The following LUZP2 variants were observed in gnomAD, a reference collection of about 807,000 sequenced individuals.
The protein encoded by LUZP2 is leucine zipper protein 2.
LUZP2 carries 52 observed loss-of-function variants against 51.6 expected under a neutral mutation model. That is an observed-to-expected ratio of 1.01 (90% confidence interval 0.81 to 1.27). The LOEUF (loss-of-function observed/expected upper bound fraction) is 1.27. LUZP2 is among the 50% of genes most tolerant of loss of function. The pLI is 0.00. For synonymous variants in LUZP2, 154 were observed against 137.3 expected, an observed-to-expected ratio of 1.12 and a Z score of -0.85; for missense variants, 436 against 395.4, an observed-to-expected ratio of 1.10 and a Z score of -0.87.
rs1415091428 is a variant in LUZP2 at position 24,616,468 on chromosome 11, CGTGCGCATGT to C, written c.63-112697_63-112688del. ...GGTATTGTGTGTGTGTGGTATTTGG[CGTGCGCATGT>C]GTGTGTGTGTGTGTGTGTGTGTGTA... is the stretch of plus-strand genomic sequence containing the variant. On this transcript the variant is annotated intron_variant, in intron 1 of 11. Transcript: ENST00000336930. 5.2e-3 allele frequency among the ~76,000 whole-genome samples: 397 copies of C among 76,600 alleles called. 4 individuals carry two copies. Among genetic ancestry groups the C allele is most frequent in the African/African-American group, 0.031 (379 of 12,180 alleles). The allele number at this position is 76,600 out of a possible 152,430, so 50.3% of individuals were successfully genotyped here.
At chr11:24,971,195 C>T (rs1027941584) in intron 7 of LUZP2, among the ~76,000 whole-genome samples, 1 of 152,058 alleles carries the variant, frequency 6.6e-6, no homozygotes, top group Non-Finnish European at 1.5e-5. Context: ...TCATGGAAGA[C>T]CATTTTTCCA....
intron 1 of LUZP2, among the ~76,000 whole-genome samples, chr11:24,716,947 A>C (rs1358597715): frequency 6.6e-6 from 1 of 152,144 alleles, no homozygotes; most frequent in Non-Finnish European, 1.5e-5. Context: ...AAAATGAAGA[A>C]GTACATGCTT....
chr11:24,960,932 T>A (rs1326145620), intron 7 of LUZP2, among the ~76,000 whole-genome samples: 1 of 152,156 alleles, frequency 6.6e-6, no homozygotes, highest in African/African-American at 2.4e-5. Context: ...GTCCCAGAGA[T>A]TGTGGTATGT....
intron 9 of LUZP2, among the ~76,000 whole-genome samples, chr11:25,013,458 A>C (rs1412356163): frequency 6.6e-6 from 1 of 152,190 alleles, no homozygotes; most frequent in Admixed American, 6.5e-5. Context: ...TTTAAAAAGC[A>C]GGCCTACACT....
chr11:24,660,875 TATA>T (rs1386108725), intron 1 of LUZP2, among the ~76,000 whole-genome samples: 2 of 152,154 alleles, frequency 1.3e-5, no homozygotes, highest in African/African-American at 4.8e-5. Flanking sequence ...ATACTGCTTA[TATA>T]ATGACTTAAA....
intron 5 of LUZP2, among the ~76,000 whole-genome samples, chr11:24,772,664 G>A (rs1848779333): frequency 6.6e-6 from 1 of 152,120 alleles, no homozygotes; most frequent in Admixed American, 6.5e-5. Context: ...AAAAAAGTAT[G>A]TGTCCTAAAA....
chr11:24,533,311 C>G (rs1590147339), intron 1 of LUZP2, among the ~76,000 whole-genome samples: 2 of 151,210 alleles, frequency 1.3e-5, no homozygotes, highest in African/African-American at 4.8e-5. Context: ...ATCAGCCATT[C>G]TAAAAGTATC....
intron 5 of LUZP2, among the ~76,000 whole-genome samples, chr11:24,813,061 C>A (rs1850067597): frequency 1.3e-5 from 2 of 152,170 alleles, no homozygotes; most frequent in Admixed American, 1.3e-4. Context: ...ATCCACTCTT[C>A]CTCTTAAGAA....
intron 5 of LUZP2, among the ~76,000 whole-genome samples, chr11:24,867,799 C>T (rs1851943532): frequency 6.6e-6 from 1 of 152,122 alleles, no homozygotes; most frequent in African/African-American, 2.4e-5. Context: ...TTACCTATAT[C>T]AGTAGTTGTC....
chr11:24,752,796 C>T (rs1859640996), intron 4 of LUZP2, among the ~76,000 whole-genome samples: 1 of 151,452 alleles, frequency 6.6e-6, no homozygotes, highest in South Asian at 2.1e-4. Context: ...TCAAGATGGC[C>T]AAAGTTCCAA....
intron 5 of LUZP2, among the ~76,000 whole-genome samples, chr11:24,875,130 T>A (rs1325713984): frequency 3.3e-5 from 5 of 151,852 alleles, no homozygotes; most frequent in Non-Finnish European, 7.4e-5. Flanking sequence ...ACTTTAAGTT[T>A]TAGGGTACAT....
chr11:25,002,036 C>T (rs557286547), intron 9 of LUZP2, among the ~76,000 whole-genome samples: 4 of 152,332 alleles, frequency 2.6e-5, no homozygotes, highest in Non-Finnish European at 4.4e-5. Context: ...GGGGGTTCCC[C>T]CAGAGGTTAG....
intron 5 of LUZP2, among the ~76,000 whole-genome samples, chr11:24,893,805 T>C (rs2133763440): frequency 1.3e-5 from 2 of 150,098 alleles, no homozygotes; most frequent in Middle Eastern, 3.4e-3. Context: ...CACACGCACA[T>C]GGTTTATTAT....
At chr11:24,774,362 C>CTCTCTCTCTCTCTCTCTCTATATA (rs776739280) in intron 5 of LUZP2, among the ~76,000 whole-genome samples, 16 of 76,334 alleles carry the variant, frequency 2.1e-4, no homozygotes, top group East Asian at 4.8e-4. Flanking sequence ...CTCTCTCTCT[C>CTCTCTCTCTCTCTCTCTCTATATA]TATATATATA....
chr11:24,662,746 C>G (rs1018956709), intron 1 of LUZP2, among the ~76,000 whole-genome samples: 1 of 151,972 alleles, frequency 6.6e-6, no homozygotes, highest in African/African-American at 2.4e-5. Context: ...AAATCTTAAA[C>G]ATTTCTGGGA....
intron 1 of LUZP2, among the ~76,000 whole-genome samples, chr11:24,548,312 A>G (rs1451733308): frequency 2.6e-5 from 4 of 152,150 alleles, no homozygotes; most frequent in Non-Finnish European, 5.9e-5. Flanking sequence ...AGTGCCTATC[A>G]AAGGTGGGCT....
rs538469636 is a variant in LUZP2, at chr11:24,759,120, G to A, written c.334-4126G>A. Among the ~76,000 whole-genome samples, 5 of 152,190 alleles carry A rather than the reference G, an allele frequency of 3.3e-5. No individual in the cohort carries two copies. The South Asian group carries it at 8.3e-4, about 25-fold the overall frequency. On this transcript the variant is annotated intron_variant, in intron 4 of 11. Coordinates refer to ENST00000336930, the MANE Select transcript of LUZP2 (RefSeq NM_001009909.4). ...AGCAGTGAAGAATGGGCTCTCAGGT[G>A]TGACCAGGATAATTAAAGATTTTAA...
chr11:24,943,943 G>C (rs1157992686), intron 7 of LUZP2, among the ~76,000 whole-genome samples: 3 of 151,778 alleles, frequency 2.0e-5, no homozygotes, highest in Admixed American at 2.0e-4. Context: ...GTGTGCTGTG[G>C]ACAAAATATA....
Position 24,621,767 on chromosome 11 carries a change from TAG to T in LUZP2, c.63-107400_63-107399del, listed in dbSNP as rs1172695386. Among the ~76,000 whole-genome samples the T allele has an allele frequency of 3.9e-5, 6 of 152,326 alleles. No homozygotes were observed. In the East Asian group the frequency reaches 7.7e-4, roughly 20 times the overall value. Reference sequence around the variant, plus strand: ...GGTATCTGCTTTCTCTTCCTCTTAATAGAACATTGTCTTCAAAACTCTTGTTC... The same window carrying T: ...GGTATCTGCTTTCTCTTCCTCTTAATAACATTGTCTTCAAAACTCTTGTTC... On this transcript the variant is annotated intron_variant, in intron 1 of 11. Transcript: ENST00000336930.
Sources: gnomAD v4.1 joint callset for allele counts (sites outside exome capture counted in the v4.1 genomes callset) on GRCh38, gnomAD v4.1.1 for gene constraint, MANE v1.5 for transcripts, NCBI Gene and HGNC (gene_info 2026-07-23, HGNC 2026-07-21) for gene names.